Variants in LIN7A observed in about 807,000 individuals in gnomAD.
The protein encoded by LIN7A is lin-7 cell polarity scaffold A.
In LIN7A, 25 loss-of-function variants were observed where a neutral mutation model predicts 29.8. The observed-to-expected ratio is 0.84, with a 90% CI of 0.61 to 1.17. LIN7A has a LOEUF of 1.17. Ranked by LOEUF, LIN7A falls within the 50% of genes most tolerant of loss-of-function variation. The probability of loss-of-function intolerance (pLI) is 0.00; values close to 1 mark genes in which losing one functional copy is unlikely to be tolerated. For missense variants in LIN7A, 239 were observed against 287.0 expected (o/e 0.83, Z 1.21); for synonymous variants, 118 against 107.5 (o/e 1.10, Z -0.60).
intron 4 of LIN7A, among the ~76,000 whole-genome samples, chr12:80,828,874 G>A (rs1381621319): frequency 6.6e-6 from 1 of 152,094 alleles, no homozygotes; most frequent in African/African-American, 2.4e-5. Context: ...CACTACAATG[G>A]TGTTTCTACA....
intron 2 of LIN7A, among the ~76,000 whole-genome samples, chr12:80,888,687 T>A (rs78893388): frequency 0.062 from 9,417 of 152,172 alleles, 455 homozygotes; most frequent in South Asian, 0.24. Context: ...GAATGGTCCA[T>A]CCCACCACAA....
intron 1 of LIN7A, among the ~76,000 whole-genome samples, chr12:80,920,367 G>A (rs1433265314): frequency 6.6e-6 from 1 of 152,162 alleles, no homozygotes; most frequent in African/African-American, 2.4e-5. Flanking sequence ...TGACCTCTGG[G>A]TTAAGGTAAA....
chr12:80,836,806 G>A (rs1189083497), intron 4 of LIN7A, among the ~76,000 whole-genome samples: 3 of 151,698 alleles, frequency 2.0e-5, no homozygotes, highest in Admixed American at 6.6e-5. Context: ...GTATTAATTC[G>A]TGTTCTTTGT....
chr12:80,833,485 G>A (rs1495335), intron 4 of LIN7A, among the ~76,000 whole-genome samples: 60,328 of 151,994 alleles, frequency 0.4, 12,140 homozygotes, highest in Non-Finnish European at 0.42. Flanking sequence ...TTCCACCTCC[G>A]GCTTTTCCTC....
chr12:80,921,468 G>C (rs1877299249), intron 1 of LIN7A, among the ~76,000 whole-genome samples: 1 of 80,506 alleles, frequency 1.2e-5, no homozygotes, highest in Non-Finnish European at 2.1e-5. Context: ...CCTGACGAGG[G>C]TCTTCTTCTG....
chr12:80,807,063 G>GTTTTTTTTTGTTTTTTTTTTTTT lies in LIN7A; in HGVS notation c.*4401_*4402insAAAAAAAAAAAAACAAAAAAAAA, dbSNP rs374349839. ...CCATAGGAAATTTAATGAAGATGGA[G>GTTTTTTTTTGTTTTTTTTTTTTT]TTTTTTTTTTTTTTTTTTTTTTTTT... On this transcript the variant is annotated intron_variant, in intron 5 of 5. Coordinates refer to ENST00000552864, the MANE Select transcript of LIN7A (RefSeq NM_004664.4). Among the ~76,000 whole-genome samples the GTTTTTTTTTGTTTTTTTTTTTTT allele has an allele frequency of 1.3e-3, 72 of 53,578 alleles. 9 individuals carry two copies. Among genetic ancestry groups the GTTTTTTTTTGTTTTTTTTTTTTT allele is most frequent in the Admixed American group, 2.7e-3 (12 of 4,508 alleles). 35.1% of individuals were successfully genotyped at this position (53,578 alleles called of 152,430 possible). A position where few individuals can be genotyped will look rare whatever the true frequency, so the allele number is the denominator to read the frequency against.
chr12:80,916,141 C>T (rs926786301), intron 1 of LIN7A, among the ~76,000 whole-genome samples: 2 of 152,184 alleles, frequency 1.3e-5, no homozygotes, highest in Non-Finnish European at 2.9e-5. Context: ...ACCACCATCT[C>T]TGACCTGAAT....
intron 2 of LIN7A, among the ~76,000 whole-genome samples, chr12:80,857,023 T>C (rs1873635372): frequency 6.6e-6 from 1 of 152,198 alleles, no homozygotes; most frequent in Admixed American, 6.5e-5. Context: ...TTGATCAGCA[T>C]GCAGGAACTG....
intron 4 of LIN7A, among the ~76,000 whole-genome samples, chr12:80,833,024 G>T (rs1872445964): frequency 6.6e-6 from 1 of 152,128 alleles, no homozygotes; most frequent in South Asian, 2.1e-4. Flanking sequence ...TCAAGGGTGA[G>T]AAATCCTGGT....
At chr12:80,900,389 T>G (rs1375862318) in intron 1 of LIN7A, among the ~76,000 whole-genome samples, 1 of 152,208 alleles carries the variant, frequency 6.6e-6, no homozygotes, top group Non-Finnish European at 1.5e-5. Flanking sequence ...AACATTTTGA[T>G]GTGGGCATTT....
chr12:80,800,226 A>G (rs1362138124), intron 5 of LIN7A, among the ~76,000 whole-genome samples: 1 of 152,160 alleles, frequency 6.6e-6, no homozygotes, highest in African/African-American at 2.4e-5. Context: ...ACGGTGGCTC[A>G]CACCTGTAAT....
chr12:80,894,742 A>C (rs1428711891), intron 1 of LIN7A, among the ~76,000 whole-genome samples: 2 of 152,210 alleles, frequency 1.3e-5, no homozygotes, highest in African/African-American at 4.8e-5. Context: ...CAGATCACTG[A>C]GTTTAATACA....
chr12:80,805,913 T>C (rs1945047252), intron 5 of LIN7A, among the ~76,000 whole-genome samples: 2 of 123,304 alleles, frequency 1.6e-5, no homozygotes, highest in South Asian at 5.1e-4. Context: ...GCTGAGACCA[T>C]GTAAGACGTG....
chr12:80,838,435 G>A (rs1178876147), intron 4 of LIN7A, among the ~76,000 whole-genome samples: 6 of 152,148 alleles, frequency 3.9e-5, no homozygotes, highest in Non-Finnish European at 7.3e-5. Flanking sequence ...CAGAATGAAG[G>A]GGGGTAGAAT....
At chr12:80,843,206 C>T (rs1872902901) in intron 4 of LIN7A, among the ~76,000 whole-genome samples, 1 of 152,078 alleles carries the variant, frequency 6.6e-6, no homozygotes, top group Non-Finnish European at 1.5e-5. Flanking sequence ...CATTCCTCAC[C>T]TTTGCATGAA....
chr12:80,903,722 A>G (rs1186397685), intron 1 of LIN7A, among the ~76,000 whole-genome samples: 1 of 152,028 alleles, frequency 6.6e-6, no homozygotes, highest in Non-Finnish European at 1.5e-5. Context: ...GCTGGATCAA[A>G]TAGTAGTAGA....
At chr12:80,890,334 G>A (rs951351073) in intron 1 of LIN7A, among the ~76,000 whole-genome samples, 3 of 151,980 alleles carry the variant, frequency 2.0e-5, no homozygotes, top group Non-Finnish European at 4.4e-5. Flanking sequence ...TGAGGTTTTC[G>A]ATTCCTAAGT....
At chr12:80,877,115 C>T in intron 2 of LIN7A, among the ~76,000 whole-genome samples, 1 of 81,594 alleles carries the variant, frequency 1.2e-5, no homozygotes, top group South Asian at 4.2e-4. Flanking sequence ...GAGAGAGACT[C>T]TGTCTCAAAA....
chr12:80,937,756 G>T lies in LIN7A; in HGVS notation c.-34C>A. On this transcript the variant is annotated 5_prime_UTR_variant, in exon 1 of 6. Transcript: ENST00000552864. ...GCTCGTAGTGAGAAAAAAAGGAGGA[G>T]ATTGGGGGCGGGGGTGGAGAGGGAA... 4 of 926,638 alleles carry T rather than the reference G, an allele frequency of 4.3e-6. No individual in the cohort carries two copies. The highest frequency in any genetic ancestry group is 6.0e-6 in the Non-Finnish European group (4 of 665,112). The allele number at this position is 926,638 out of a possible 1,614,324, so 57.4% of individuals were successfully genotyped here.
Sources: gnomAD v4.1 joint callset for allele counts (sites outside exome capture counted in the v4.1 genomes callset) on GRCh38, gnomAD v4.1.1 for gene constraint, MANE v1.5 for transcripts, NCBI Gene and HGNC (gene_info 2026-07-23, HGNC 2026-07-21) for gene names.